The following KLRG1 variants were observed in gnomAD, a reference collection of about 807,000 sequenced individuals.
The protein encoded by KLRG1 is killer cell lectin-like receptor subfamily G member 1.
A neutral mutation model predicts 21.8 loss-of-function variants in KLRG1; 16 were observed. The observed-to-expected ratio is 0.73, with a 90% CI of 0.50 to 1.11. The LOEUF (loss-of-function observed/expected upper bound fraction) is 1.11. Ranked by LOEUF, KLRG1 falls within the 50% of genes most tolerant of loss-of-function variation. The probability of loss-of-function intolerance (pLI) is 0.00; values close to 1 mark genes in which losing one functional copy is unlikely to be tolerated. For missense variants in KLRG1, 173 were observed against 218.3 expected (o/e 0.79, Z 1.31); for synonymous variants, 69 against 75.9 (o/e 0.91, Z 0.47).
At chr12:9,211,014 T>A in the KLRG1 span, among the ~76,000 whole-genome samples, 1 of 152,112 alleles carries the variant, frequency 6.6e-6, no homozygotes, top group Non-Finnish European at 1.5e-5. Context: ...TACACAGGAG[T>A]GAGATTGTTG....
intron 3 of KLRG1, among the ~76,000 whole-genome samples, chr12:9,000,302 A>G (rs1397631764): frequency 6.6e-6 from 1 of 152,194 alleles, no homozygotes; most frequent in Non-Finnish European, 1.5e-5. Context: ...ATCTTTTGTC[A>G]CGCTTCTTTA....
the KLRG1 span, chr12:9,107,458 T>G: frequency 1.3e-6 from 2 of 1,577,078 alleles, no homozygotes; most frequent in East Asian, 4.5e-5. Flanking sequence ...AGAAAAATGC[T>G]GCAACTCACT....
At chr12:9,194,341 C>T in the KLRG1 span, 17 of 1,106,970 alleles carry the variant, frequency 1.5e-5, no homozygotes, top group Non-Finnish European at 3.8e-6. Context: ...CAACAACCTC[C>T]CCCTCAAAAA....
At chr12:9,037,433 T>C in the KLRG1 span, among the ~76,000 whole-genome samples, 2 of 152,200 alleles carry the variant, frequency 1.3e-5, no homozygotes, top group African/African-American at 4.8e-5. Context: ...GTTACCAATA[T>C]GCTGCAACCG....
the KLRG1 span, among the ~76,000 whole-genome samples, chr12:9,042,654 A>G: frequency 6.6e-6 from 1 of 152,188 alleles, no homozygotes; most frequent in Non-Finnish European, 1.5e-5. Flanking sequence ...TGGAATGGTT[A>G]TAGATTGATA....
the KLRG1 span, among the ~76,000 whole-genome samples, chr12:9,044,093 C>A: frequency 1.2e-3 from 176 of 152,222 alleles, 2 homozygotes; most frequent in Admixed American, 1.4e-3. Flanking sequence ...TTGTTTTAAG[C>A]AAATTAGATT....
chr12:9,098,449 T>TATATATATAA, the KLRG1 span: 5 of 365,560 alleles, frequency 1.4e-5, no homozygotes, highest in African/African-American at 1.2e-4. Context: ...TATATATATA[T>TATATATATAA]AATTCCTTAC....
chr12:9,019,320 G>T, the KLRG1 span, among the ~76,000 whole-genome samples: 1 of 152,168 alleles, frequency 6.6e-6, no homozygotes, highest in Admixed American at 6.5e-5. Context: ...ACTGTTGGTT[G>T]GAGTGTAAAT....
the KLRG1 span, among the ~76,000 whole-genome samples, chr12:9,045,921 A>G: frequency 1.3e-5 from 2 of 152,208 alleles, no homozygotes; most frequent in Non-Finnish European, 2.9e-5. Flanking sequence ...ATCCTCAGCA[A>G]ACTAACACAG....
At chr12:9,028,817 C>CT in the KLRG1 span, 2 of 629,816 alleles carry the variant, frequency 3.2e-6, no homozygotes. Context: ...AGAATCTTCT[C>CT]TTGAGAAAGC....
the KLRG1 span, among the ~76,000 whole-genome samples, chr12:9,063,101 C>T: frequency 6.6e-6 from 1 of 152,130 alleles, no homozygotes; most frequent in Non-Finnish European, 1.5e-5. Context: ...AACTCTTGGC[C>T]TCAAATGATC....
the KLRG1 span, among the ~76,000 whole-genome samples, chr12:9,070,002 C>T: frequency 4.6e-5 from 7 of 152,266 alleles, no homozygotes; most frequent in Admixed American, 2.6e-4. Context: ...GTATAACACA[C>T]GACTAATGTG....
the KLRG1 span, among the ~76,000 whole-genome samples, chr12:9,171,594 T>C: frequency 1.3e-5 from 2 of 152,078 alleles, no homozygotes; most frequent in Admixed American, 1.3e-4. Flanking sequence ...AGAATCATGA[T>C]AAAACAATAC....
At chr12:9,080,140 T>C in the KLRG1 span, 5 of 1,589,294 alleles carry the variant, frequency 3.1e-6, no homozygotes, top group Non-Finnish European at 4.3e-6. Flanking sequence ...CCACATTTGG[T>C]GGCAGTTTCA....
the KLRG1 span, among the ~76,000 whole-genome samples, chr12:9,020,812 T>C: frequency 6.6e-6 from 1 of 152,200 alleles, no homozygotes; most frequent in Non-Finnish European, 1.5e-5. Context: ...ATATGGTAGA[T>C]GTATAGTTAT....
the KLRG1 span, chr12:9,057,520 A>G: frequency 6.6e-6 from 1 of 152,592 alleles, no homozygotes; most frequent in Non-Finnish European, 1.5e-5. Flanking sequence ...ATAAAGTAAA[A>G]AAGAAAAAAA....
the KLRG1 span, among the ~76,000 whole-genome samples, chr12:9,199,685 C>T: frequency 6.6e-6 from 1 of 151,974 alleles, no homozygotes; most frequent in South Asian, 2.1e-4. Flanking sequence ...TTTTAAACCT[C>T]TAAGATATTT....
the KLRG1 span, among the ~76,000 whole-genome samples, chr12:9,073,814 G>A: frequency 1.3e-4 from 20 of 152,162 alleles, no homozygotes; most frequent in African/African-American, 3.4e-4. Context: ...GGGGCTGGAC[G>A]CAGTGGCTCA....
the KLRG1 span, chr12:9,112,497 T>C: frequency 6.2e-7 from 1 of 1,613,684 alleles, no homozygotes. Context: ...ACTTGGACAG[T>C]GAGGAACATT....
Sources: allele counts gnomAD v4.1 joint callset (sites outside exome capture counted in the v4.1 genomes callset), GRCh38; gene constraint gnomAD v4.1.1; transcripts MANE v1.5; gene names NCBI Gene and HGNC (gene_info 2026-07-23, HGNC 2026-07-21).